Variants in SKAP1 observed in about 807,000 individuals in gnomAD.
SKAP1 encodes the protein src kinase-associated phosphoprotein 1.
Under a neutral mutation model 58.5 loss-of-function variants are expected in SKAP1, and 44 were observed. That is an observed-to-expected ratio of 0.75 (90% CI 0.59 to 0.97). The LOEUF is 0.97. Ranked by LOEUF, SKAP1 falls within the 50% of genes least tolerant of loss-of-function variation. The pLI, the probability that SKAP1 is intolerant of heterozygous loss-of-function variation, is 0.00. For synonymous variants in SKAP1, 127 were observed against 149.7 expected (o/e 0.85, Z 1.11); for missense variants, 390 against 435.2 (o/e 0.90, Z 0.92).
chr17:48,245,219 G>T (rs1402619725), intron 4 of SKAP1, among the ~76,000 whole-genome samples: 5 of 152,114 alleles, frequency 3.3e-5, no homozygotes, highest in Non-Finnish European at 7.4e-5. Flanking sequence ...TGCCCCTCTT[G>T]AATTTCTGGG....
At chr17:48,299,469 G>A (rs1434689155) in intron 4 of SKAP1, among the ~76,000 whole-genome samples, 2 of 152,116 alleles carry the variant, frequency 1.3e-5, no homozygotes, top group Non-Finnish European at 2.9e-5. Flanking sequence ...AGAGGGGGAG[G>A]CTGTCACTCT....
At chr17:48,183,010 A>G in intron 7 of SKAP1, among the ~76,000 whole-genome samples, 1 of 152,206 alleles carries the variant, frequency 6.6e-6, no homozygotes, top group Non-Finnish European at 1.5e-5. Flanking sequence ...CTTACGGGGA[A>G]GCCTGGCAGA....
intron 4 of SKAP1, among the ~76,000 whole-genome samples, chr17:48,284,701 A>G (rs2065808758): frequency 6.6e-6 from 1 of 152,220 alleles, no homozygotes; most frequent in African/African-American, 2.4e-5. Flanking sequence ...GAACATATCT[A>G]TGTCAACTAG....
chr17:48,409,905 T>C (rs1237206742), intron 1 of SKAP1, among the ~76,000 whole-genome samples: 1 of 152,032 alleles, frequency 6.6e-6, no homozygotes, highest in African/African-American at 2.4e-5. Context: ...GGTTAGGAGA[T>C]TTCAAGAAAG....
intron 10 of SKAP1, among the ~76,000 whole-genome samples, chr17:48,162,913 A>G (rs1161958450): frequency 6.6e-6 from 1 of 152,240 alleles, no homozygotes; most frequent in Non-Finnish European, 1.5e-5. Context: ...TTCCTGATCC[A>G]GGGCAACTAA....
At chr17:48,223,289 G>A (rs1330609677) in intron 4 of SKAP1, among the ~76,000 whole-genome samples, 1 of 152,138 alleles carries the variant, frequency 6.6e-6, no homozygotes, top group African/African-American at 2.4e-5. Context: ...ATCTATGTAA[G>A]ATAAAAATTA....
intron 1 of SKAP1, among the ~76,000 whole-genome samples, chr17:48,402,547 C>T (rs1485607889): frequency 6.6e-6 from 1 of 152,150 alleles, no homozygotes; most frequent in African/African-American, 2.4e-5. Flanking sequence ...CCAGGCTGGT[C>T]TTGAACTCCT....
chr17:48,201,156 C>T (rs993073307), intron 4 of SKAP1, among the ~76,000 whole-genome samples: 2 of 152,036 alleles, frequency 1.3e-5, no homozygotes, highest in South Asian at 2.1e-4. Context: ...TAGCTCGTAT[C>T]ACAGCGCTGA....
intron 2 of SKAP1, among the ~76,000 whole-genome samples, chr17:48,374,240 C>T (rs1285402247): frequency 2.0e-5 from 3 of 148,886 alleles, no homozygotes; most frequent in Non-Finnish European, 4.4e-5. Context: ...AGGGTTTCAC[C>T]ATGTTGCCCA....
rs1429174509 is a variant in SKAP1, at chr17:48,346,630, A to G, written c.179-624T>C. Among the ~76,000 whole-genome samples the G allele has an allele frequency of 2.6e-5, 4 of 152,112 alleles. No homozygotes were observed. The East Asian group carries it at 7.7e-4, about 29-fold the overall frequency. The stretch of plus-strand genomic sequence containing the variant: ...CAACAGCGAGACTCCATCTAAAAAA[A>G]AAAAGAATTAAATTTATATTCATAT... On this transcript the variant is annotated intron_variant, in intron 3 of 12. Coordinates refer to ENST00000336915, the MANE Select transcript of SKAP1 (RefSeq NM_003726.4).
intron 1 of SKAP1, among the ~76,000 whole-genome samples, chr17:48,400,212 C>T (rs570104242): frequency 4.0e-5 from 6 of 151,594 alleles, no homozygotes; most frequent in Non-Finnish European, 8.8e-5. Context: ...AATTCTCTTG[C>T]CTCAGCCTCC....
chr17:48,408,085 T>G (rs1198894614), intron 1 of SKAP1, among the ~76,000 whole-genome samples: 1 of 152,208 alleles, frequency 6.6e-6, no homozygotes, highest in African/African-American at 2.4e-5. Context: ...AGAGTTCAAG[T>G]GCTTTTAATT....
intron 1 of SKAP1, among the ~76,000 whole-genome samples, chr17:48,420,672 C>A (rs1180329882): frequency 6.6e-6 from 1 of 151,260 alleles, no homozygotes; most frequent in African/African-American, 2.5e-5. Flanking sequence ...ATCCTGGCAC[C>A]CCCTGATTCT....
chr17:48,189,332 C>A, intron 5 of SKAP1, 91 bp downstream of exon 5: 2 of 1,023,956 alleles, frequency 2.0e-6, no homozygotes, highest in Middle Eastern at 2.1e-4. Context: ...CAGTACCGGG[C>A]ACAGAGAAGG....
intron 7 of SKAP1, among the ~76,000 whole-genome samples, chr17:48,183,420 GC>G (rs2064397023): frequency 6.6e-6 from 1 of 152,124 alleles, no homozygotes; most frequent in Non-Finnish European, 1.5e-5. Flanking sequence ...TCAAGCATCA[GC>G]CTTTAGTAAT....
At chr17:48,422,720 A>G (rs1445357086) in intron 1 of SKAP1, among the ~76,000 whole-genome samples, 2 of 152,222 alleles carry the variant, frequency 1.3e-5, no homozygotes, top group African/African-American at 4.8e-5. Flanking sequence ...TCTGAAGCAG[A>G]TTTATTATTA....
chr17:48,148,055 A>G (rs1020099023), intron 11 of SKAP1, among the ~76,000 whole-genome samples: 1 of 152,136 alleles, frequency 6.6e-6, no homozygotes, highest in Non-Finnish European at 1.5e-5. Context: ...CTCTAGATGG[A>G]GGGTCTCAGA....
At chr17:48,327,168 G>A (rs2066449146) in intron 4 of SKAP1, among the ~76,000 whole-genome samples, 1 of 152,328 alleles carries the variant, frequency 6.6e-6, no homozygotes, top group East Asian at 1.9e-4. Context: ...TGGGATTACA[G>A]GCGTGAGCCA....
At chr17:48,211,602 C>A (rs1350459121) in intron 4 of SKAP1, among the ~76,000 whole-genome samples, 1 of 152,128 alleles carries the variant, frequency 6.6e-6, no homozygotes, top group East Asian at 1.9e-4. Flanking sequence ...CCACATCTCC[C>A]AATAACATAT....
Sources: gnomAD v4.1 joint callset for allele counts (sites outside exome capture counted in the v4.1 genomes callset) on GRCh38, gnomAD v4.1.1 for gene constraint, MANE v1.5 for transcripts, NCBI Gene and HGNC (gene_info 2026-07-23, HGNC 2026-07-21) for gene names.